The following ZNF804B variants were observed in gnomAD, a reference collection of about 807,000 sequenced individuals.
ZNF804B encodes the protein zinc finger 804B.
Under a neutral mutation model 101.4 loss-of-function variants are expected in ZNF804B, and 80 were observed. The observed-to-expected ratio is 0.79, with a 90% CI of 0.66 to 0.95. The LOEUF (loss-of-function observed/expected upper bound fraction) is 0.95. ZNF804B is among the 40% of genes least tolerant of loss of function. The pLI, the probability that ZNF804B is intolerant of heterozygous loss-of-function variation, is 0.00. For missense variants in ZNF804B, 1,673 were observed against 1,561.9 expected, an observed-to-expected ratio of 1.07 and a Z score of -1.20; for synonymous variants, 622 against 558.8, an observed-to-expected ratio of 1.11 and a Z score of -1.59.
chr7:88,815,344 G>A (rs529878375), intron 1 of ZNF804B, among the ~76,000 whole-genome samples: 6 of 149,082 alleles, frequency 4.0e-5, no homozygotes, highest in Admixed American at 3.4e-4. Context: ...AATTTATTGT[G>A]TTTAATACCA....
At chr7:88,783,269 A>C (rs1790256094) in intron 1 of ZNF804B, among the ~76,000 whole-genome samples, 1 of 152,168 alleles carries the variant, frequency 6.6e-6, no homozygotes, top group African/African-American at 2.4e-5. Flanking sequence ...AGTAACAGTA[A>C]TGTGTGGATT....
chr7:88,903,429 CT>C (rs1439732502), intron 1 of ZNF804B, among the ~76,000 whole-genome samples: 1 of 152,080 alleles, frequency 6.6e-6, no homozygotes, highest in Non-Finnish European at 1.5e-5. Context: ...ATGCATGTGT[CT>C]TTTTGGTGTA....
chr7:89,082,291 G>A (rs192609601), intron 1 of ZNF804B, among the ~76,000 whole-genome samples: 41 of 151,536 alleles, frequency 2.7e-4, no homozygotes, highest in African/African-American at 8.2e-4. Context: ...ATTTTTATCC[G>A]CATATATTTA....
rs375326684 is a variant in ZNF804B at position 89,163,936 on chromosome 7, C to T, written c.109-54219C>T. Among the ~76,000 whole-genome samples, 6 of 151,520 alleles carry T rather than the reference C, an allele frequency of 4.0e-5. No homozygotes were observed. In the East Asian group the frequency reaches 1.2e-3, roughly 29 times the overall value. The stretch of plus-strand genomic sequence containing the variant: ...TTCCTCTCCTCCCTCCATTCCTTCC[C>T]ACTAGATAGGTTGGCAAATATAAGC... On this transcript the variant is annotated intron_variant, in intron 1 of 3. Coordinates refer to ENST00000333190, the MANE Select transcript of ZNF804B (RefSeq NM_181646.5).
At chr7:89,269,699 A>G (rs4270883) in intron 2 of ZNF804B, among the ~76,000 whole-genome samples, 11,652 of 152,092 alleles carry the variant, frequency 0.077, 539 homozygotes, top group Middle Eastern at 0.2. Context: ...AAGTGTTCCT[A>G]TTTCTCCACA....
intron 3 of ZNF804B, among the ~76,000 whole-genome samples, chr7:89,328,860 C>A (rs1790933654): frequency 6.6e-6 from 1 of 151,800 alleles, no homozygotes; most frequent in South Asian, 2.1e-4. Context: ...AGTTGTCACA[C>A]TTCTACATTT....
At chr7:89,230,341 A>G (rs1789172164) in intron 2 of ZNF804B, among the ~76,000 whole-genome samples, 1 of 151,648 alleles carries the variant, frequency 6.6e-6, no homozygotes, top group South Asian at 2.1e-4. Flanking sequence ...GCGAGTTAGG[A>G]TAATAAAGAA....
At chr7:88,909,941 T>C (rs1326183222) in intron 1 of ZNF804B, among the ~76,000 whole-genome samples, 1 of 151,906 alleles carries the variant, frequency 6.6e-6, no homozygotes, top group South Asian at 2.1e-4. Context: ...AATAATAGCC[T>C]CTTTAATGCA....
In ZNF804B at chr7:89,216,112, T is replaced by A. The variant is rs144093484; in HGVS notation, c.109-2043T>A. ...TGAGGTGAGGAGTTTGAGACCAGCCTAGCTAACATGGTGAAACCCCGTCTC... is the reference window on the plus strand; with the variant it reads ...TGAGGTGAGGAGTTTGAGACCAGCCAAGCTAACATGGTGAAACCCCGTCTC... On this transcript the variant is annotated intron_variant, in intron 1 of 3. Transcript: ENST00000333190. Among the ~76,000 whole-genome samples, 266 of 152,072 alleles carry A rather than the reference T, an allele frequency of 1.7e-3. 2 individuals are homozygous for A. The highest frequency in any genetic ancestry group is 6.0e-3 in the African/African-American group (251 of 41,508).
At chr7:89,097,807 C>G (rs1246724678) in intron 1 of ZNF804B, among the ~76,000 whole-genome samples, 5 of 152,074 alleles carry the variant, frequency 3.3e-5, no homozygotes, top group Admixed American at 6.5e-5. Context: ...GATGCAAACT[C>G]TGATTTATTT....
At chr7:89,217,014 A>G (rs1475400428) in intron 1 of ZNF804B, among the ~76,000 whole-genome samples, 1 of 152,206 alleles carries the variant, frequency 6.6e-6, no homozygotes, top group East Asian at 1.9e-4. Flanking sequence ...ATTATCCATT[A>G]ATTTGCGTAG....
At chr7:89,278,050 T>C (rs970011748) in intron 2 of ZNF804B, among the ~76,000 whole-genome samples, 4 of 152,166 alleles carry the variant, frequency 2.6e-5, no homozygotes, top group Non-Finnish European at 5.9e-5. Context: ...TTCTAACTGG[T>C]GTAAGATGAT....
chr7:89,160,485 T>G (rs1791042455), intron 1 of ZNF804B, among the ~76,000 whole-genome samples: 1 of 152,200 alleles, frequency 6.6e-6, no homozygotes, highest in African/African-American at 2.4e-5. Flanking sequence ...AAAGATCAAT[T>G]TAGTTCTTTA....
At chr7:89,271,388 C>G (rs540507774) in intron 2 of ZNF804B, among the ~76,000 whole-genome samples, 35 of 152,140 alleles carry the variant, frequency 2.3e-4, no homozygotes, top group South Asian at 8.3e-4. Flanking sequence ...TGCATATGTT[C>G]AACCAGCCTT....
chr7:89,329,637 G>T (rs1430034763), intron 3 of ZNF804B, among the ~76,000 whole-genome samples: 2 of 151,606 alleles, frequency 1.3e-5, no homozygotes, highest in African/African-American at 4.8e-5. Flanking sequence ...CTCTTAACTA[G>T]TTCCAGCCAA....
intron 2 of ZNF804B, among the ~76,000 whole-genome samples, chr7:89,322,092 G>A (rs536230060): frequency 9.2e-5 from 14 of 152,112 alleles, no homozygotes; most frequent in Non-Finnish European, 2.1e-4. Context: ...AGGGAACTAT[G>A]GACCAATCAC....
chr7:89,185,637 G>A (rs758617445), intron 1 of ZNF804B, among the ~76,000 whole-genome samples: 1 of 152,118 alleles, frequency 6.6e-6, no homozygotes, highest in Non-Finnish European at 1.5e-5. Flanking sequence ...GAGGCAGGTG[G>A]ATCAACTGAG....
At chr7:89,002,090 T>G (rs1282816249) in intron 1 of ZNF804B, among the ~76,000 whole-genome samples, 1 of 151,584 alleles carries the variant, frequency 6.6e-6, no homozygotes, top group African/African-American at 2.4e-5. Context: ...ATAAAATGTG[T>G]GAGTAATATT....
chr7:89,053,227 C>G (rs2116269141), intron 1 of ZNF804B, among the ~76,000 whole-genome samples: 1 of 152,220 alleles, frequency 6.6e-6, no homozygotes, highest in East Asian at 1.9e-4. Context: ...GTAGTCAAAA[C>G]TACACTTTTA....
Sources: gnomAD v4.1 joint callset for allele counts (sites outside exome capture counted in the v4.1 genomes callset) on GRCh38, gnomAD v4.1.1 for gene constraint, MANE v1.5 for transcripts, NCBI Gene and HGNC (gene_info 2026-07-23, HGNC 2026-07-21) for gene names.